VASP: variants seen among roughly 807,000 people sequenced by gnomAD.
VASP encodes the protein vasodilator stimulated phosphoprotein.
A neutral mutation model predicts 54.4 loss-of-function variants in VASP; 27 were observed. That is an observed-to-expected ratio of 0.50 (90% CI 0.37 to 0.68). VASP has a LOEUF of 0.68. Among genes scored for constraint, VASP ranks in the 30% least tolerant of loss-of-function variants. VASP has a pLI of 0.00. For synonymous variants in VASP, 233 were observed against 209.8 expected (o/e 1.11, Z -0.96); for missense variants, 488 against 528.3 (o/e 0.92, Z 0.75).
chr19:45,508,492 C>T (rs1968534543), intron 1 of VASP, among the ~76,000 whole-genome samples: 1 of 152,156 alleles, frequency 6.6e-6, no homozygotes, highest in African/African-American at 2.4e-5. Flanking sequence ...GGCGGCTCCC[C>T]GCCTCCGGCC....
chr19:45,517,040 C>T (rs1436054476), intron 1 of VASP, among the ~76,000 whole-genome samples: 4 of 146,596 alleles, frequency 2.7e-5, no homozygotes, highest in African/African-American at 1.0e-4. Context: ...TGCTTGTAGT[C>T]CCAGCTACTT....
At chr19:45,524,223 C>A (rs866925484) in intron 10 of VASP, 81 bp downstream of exon 10, 1 of 1,515,478 alleles carries the variant, frequency 6.6e-7, no homozygotes, top group Non-Finnish European at 9.1e-7. Context: ...CCAGCCTGGG[C>A]AACATGGCGA....
chr19:45,523,189 AATTTTT>A (rs1271918004), intron 7 of VASP, among the ~76,000 whole-genome samples: 3 of 106,970 alleles, frequency 2.8e-5, no homozygotes, highest in African/African-American at 8.1e-5. Flanking sequence ...CAATCTCTTG[AATTTTT>A]TTTTTTTTTT....
At chr19:45,508,272 G>A (rs1296276960) in intron 1 of VASP, among the ~76,000 whole-genome samples, 6 of 152,194 alleles carry the variant, frequency 3.9e-5, no homozygotes, top group African/African-American at 1.4e-4. Flanking sequence ...CTCCCCAAGT[G>A]GGACCGCGCT....
chr19:45,519,596 CTTTT>C (rs35957572), intron 3 of VASP, among the ~76,000 whole-genome samples: 3 of 123,262 alleles, frequency 2.4e-5, no homozygotes, highest in African/African-American at 9.2e-5. Flanking sequence ...AGCCCAGTTG[CTTTT>C]TTTTTTTTTT....
chr19:45,507,668 A>G lies in VASP; in HGVS notation c.-104A>G. The stretch of plus-strand genomic sequence containing the variant: ...ACTCTATGGGGCGGGACCCTGGGGG[A>G]GCCTGAGCCGAGCCCGGAGCCAGCC... On this transcript the variant is annotated 5_prime_UTR_variant, in exon 1 of 13. Transcript: ENST00000245932. This position sits in a 1 kb window ranked among gnomAD's most constrained non-coding sequence, Gnocchi z 4.4. 1 of 1,434,964 alleles carries G rather than the reference A, an allele frequency of 7.0e-7. No homozygotes were observed. Among genetic ancestry groups the G allele is most frequent in the African/African-American group, 1.5e-5 (1 of 67,750 alleles). 88.9% of individuals were successfully genotyped at this position (1,434,964 alleles called of 1,614,324 possible).
At chr19:45,515,113 C>T (rs1435822829) in intron 1 of VASP, among the ~76,000 whole-genome samples, 1 of 152,138 alleles carries the variant, frequency 6.6e-6, no homozygotes, top group East Asian at 1.9e-4. Flanking sequence ...GGTCCCTACC[C>T]CAGGTCCCTA....
chr19:45,507,671 C>T lies in VASP; in HGVS notation c.-101C>T, dbSNP rs1968513397. On this transcript the variant is annotated 5_prime_UTR_variant, in exon 1 of 13. Coordinates refer to ENST00000245932, the MANE Select transcript of VASP (RefSeq NM_003370.4). The surrounding 1 kb of genome is among the most constrained non-coding windows in gnomAD (Gnocchi z 4.4). ...CTATGGGGCGGGACCCTGGGGGAGC[C>T]TGAGCCGAGCCCGGAGCCAGCCCCG... 6.8e-7 allele frequency: 1 copy of T among 1,463,836 alleles called. No individual in the cohort carries two copies. Among genetic ancestry groups the T allele is most frequent in the African/African-American group, 1.5e-5 (1 of 68,808 alleles). 90.7% of individuals were successfully genotyped at this position (1,463,836 alleles called of 1,614,324 possible). A position where few individuals can be genotyped will look rare whatever the true frequency, so the allele number is the denominator to read the frequency against.
At chr19:45,513,469 T>G (rs73568929) in intron 1 of VASP, among the ~76,000 whole-genome samples, 11 of 32,136 alleles carry the variant, frequency 3.4e-4, no homozygotes, top group African/African-American at 1.0e-3. Context: ...GTCTCTCTCC[T>G]TTTTTTTTTT....
At chr19:45,521,007 C>T (rs1367504846) in intron 3 of VASP, among the ~76,000 whole-genome samples, 2 of 152,190 alleles carry the variant, frequency 1.3e-5, no homozygotes, top group Non-Finnish European at 2.9e-5. Flanking sequence ...CTGGAATCAG[C>T]CTGAATTCAA....
Position 45,507,792 on chromosome 19 carries a change from C to T in VASP, c.5+16C>T. 7.0e-7 allele frequency: 1 copy of T among 1,426,028 alleles called. No homozygotes were observed. Among genetic ancestry groups the T allele is most frequent in the South Asian group, 1.4e-5 (1 of 69,492 alleles). 88.3% of individuals were successfully genotyped at this position (1,426,028 alleles called of 1,614,324 possible). On this transcript the variant is annotated intron_variant, in intron 1 of 12. Coordinates refer to ENST00000245932, the MANE Select transcript of VASP (RefSeq NM_003370.4). The surrounding 1 kb of genome is among the most constrained non-coding windows in gnomAD (Gnocchi z 4.4). ...CAGCCATGAGGTGAGCCGGACCTGC[C>T]CCCCGACCCGTCCCCGCCCGGGCGG...
chr19:45,516,357 GA>G (rs1403673222), intron 1 of VASP, among the ~76,000 whole-genome samples: 1 of 152,262 alleles, frequency 6.6e-6, no homozygotes, highest in Non-Finnish European at 1.5e-5. Flanking sequence ...TGGGCAGCGG[GA>G]AGTCCCTTTG....
At chr19:45,510,925 CCT>C (rs1158675165) in intron 1 of VASP, among the ~76,000 whole-genome samples, 2 of 127,078 alleles carry the variant, frequency 1.6e-5, no homozygotes, top group Non-Finnish European at 3.3e-5. Context: ...AAAGTGAGAC[CCT>C]GTCTCAAAAA....
At chr19:45,523,904 AG>A (rs1388403985) in intron 9 of VASP, 27 bp downstream of exon 9, 2 of 1,613,702 alleles carry the variant, frequency 1.2e-6, no homozygotes, top group Non-Finnish European at 8.5e-7. Context: ...GTCCAGCCAC[AG>A]GAACTACAAA....
At chr19:45,518,873 C>T (rs1304829871) in intron 3 of VASP, among the ~76,000 whole-genome samples, 5 of 152,254 alleles carry the variant, frequency 3.3e-5, no homozygotes, top group South Asian at 2.1e-4. Context: ...GCTCTGTCAC[C>T]CAGGCTGGAG....
In VASP at chr19:45,526,280, G is replaced by A; in HGVS notation, c.*103G>A. 7.3e-7 allele frequency: 1 copy of A among 1,375,148 alleles called. No individual in the cohort carries two copies. Among genetic ancestry groups the A allele is most frequent in the East Asian group, 2.5e-5 (1 of 40,038 alleles). The allele number at this position is 1,375,148 out of a possible 1,614,324, so 85.2% of individuals were successfully genotyped here. ...TTGGAATTGGCTGAAGACTACACAG[G>A]AATGCATCGTTCCCACTCCCCATCC... On this transcript the variant is annotated 3_prime_UTR_variant, in exon 13 of 13. Coordinates refer to ENST00000245932, the MANE Select transcript of VASP (RefSeq NM_003370.4).
Position 45,518,006 on chromosome 19 carries a change from T to C in VASP, c.255T>C (p.Ala85=), listed in dbSNP as rs1209315895. 1 of 1,613,712 alleles carries C rather than the reference T, an allele frequency of 6.2e-7. No homozygotes were observed. The highest frequency in any genetic ancestry group is 8.5e-7 in the Non-Finnish European group (1 of 1,179,966). Reference sequence around the variant, plus strand: ...CCAACTTCCATCAGTGGCGCGACGCTCGCCAGGTCTGGGGCCTCAACTTCG... The same window carrying C: ...CCAACTTCCATCAGTGGCGCGACGCCCGCCAGGTCTGGGGCCTCAACTTCG... The part of the protein sequence containing the change: ...ATPNFHQWRD[A]RQVWGLNFGS... Residue 85 remains alanine, a synonymous_variant, in exon 3 of 13, where the codon GCT becomes GCC. Transcript: ENST00000245932.
chr19:45,525,570 G>A (rs1402825449), intron 11 of VASP, among the ~76,000 whole-genome samples: 2 of 152,134 alleles, frequency 1.3e-5, no homozygotes, highest in Admixed American at 6.5e-5. Context: ...CTTGTGGGGG[G>A]CACCTGTAAT....
At chr19:45,514,585 GACCA>G (rs1471594047) in intron 1 of VASP, among the ~76,000 whole-genome samples, 2 of 152,200 alleles carry the variant, frequency 1.3e-5, no homozygotes, top group African/African-American at 4.8e-5. Context: ...AGAGGGGCAA[GACCA>G]CCCCTTGGTC....
Sources: gnomAD v4.1 joint callset for allele counts (sites outside exome capture counted in the v4.1 genomes callset) on GRCh38, gnomAD v4.1.1 for gene constraint, Gnocchi (gnomAD v3.1) non-coding constraint, MANE v1.5 for transcripts, NCBI Gene and HGNC (gene_info 2026-07-23, HGNC 2026-07-21) for gene names.